Variants in MTMR3 observed in about 807,000 individuals in gnomAD.
The protein encoded by MTMR3 is myotubularin related protein 3.
MTMR3 carries 32 observed loss-of-function variants against 132.4 expected under a neutral mutation model. The ratio of observed to expected loss-of-function variants is 0.24; its 90% confidence interval spans 0.18 to 0.32. MTMR3 has a LOEUF of 0.32. Among genes scored for constraint, MTMR3 ranks in the 10% least tolerant of loss-of-function variants. The pLI is 1.00. For synonymous variants in MTMR3, 556 were observed against 550.3 expected (o/e 1.01, Z -0.14); for missense variants, 1,216 against 1,489.6 (o/e 0.82, Z 3.02).
intron 2 of MTMR3, among the ~76,000 whole-genome samples, chr22:29,957,966 C>T (rs2066233313): frequency 6.6e-6 from 1 of 151,770 alleles, no homozygotes; most frequent in South Asian, 2.1e-4. Flanking sequence ...TAAACTTAAT[C>T]ATAGGTACAT....
At chr22:29,953,346 G>A (rs1021000996) in intron 1 of MTMR3, among the ~76,000 whole-genome samples, 2 of 152,128 alleles carry the variant, frequency 1.3e-5, no homozygotes, top group African/African-American at 4.8e-5. Context: ...TTGTAGCTGG[G>A]GTTCTTTTAT....
rs774914650 is a variant in MTMR3 at position 30,020,342 on chromosome 22, G to A, written c.2683G>A (p.Val895Met). 201 of 1,614,092 alleles carry A rather than the reference G, an allele frequency of 1.2e-4. No homozygotes were observed. The highest frequency in any genetic ancestry group is 1.6e-4 in the Non-Finnish European group (193 of 1,180,040). The change falls in exon 17 of 20, where the codon GTG (valine) becomes ATG (methionine). Residue 895 changes from valine to methionine, a missense_variant. Physicochemically the swap from Val to Met is conservative, Grantham distance 21. Transcript: ENST00000401950. ...SETSLVERPQ[V>M]GSVVHRTSLG... ...GACAAGCCTGGTCGAGAGGCCCCAA[G>A]TGGGGTCTGTGGTGCATAGGACTTC...
chr22:30,021,290 A>G (rs1357427227), intron 17 of MTMR3: 1 of 197,168 alleles, frequency 5.1e-6, no homozygotes, highest in Non-Finnish European at 1.1e-5. Flanking sequence ...TAGTCCTTCC[A>G]GACGTGGGCT....
At chr22:30,008,734 T>C in intron 11 of MTMR3, 1 of 296,456 alleles carries the variant, frequency 3.4e-6, no homozygotes, top group Non-Finnish European at 6.2e-6. Flanking sequence ...CAGAGTGAGA[T>C]CGAAGTAGGC....
chr22:29,903,520 T>C (rs536222949), intron 1 of MTMR3, among the ~76,000 whole-genome samples: 1 of 151,530 alleles, frequency 6.6e-6, no homozygotes, highest in African/African-American at 2.4e-5. Context: ...TCCCGGGTGC[T>C]GGGACTGTAG....
At chr22:29,991,791 C>A in intron 7 of MTMR3, 121 bp downstream of exon 7, 1 of 1,074,024 alleles carries the variant, frequency 9.3e-7, no homozygotes, top group Non-Finnish European at 1.3e-6. Flanking sequence ...TTTTAAGGAG[C>A]ACCCAGCAAG....
At chr22:29,967,230 T>TGTGTGTGC (rs1555908327) in intron 2 of MTMR3, among the ~76,000 whole-genome samples, 1 of 94,268 alleles carries the variant, frequency 1.1e-5, no homozygotes, top group Non-Finnish European at 2.1e-5. Context: ...TGTGTGTGTG[T>TGTGTGTGC]GTGCATGCGC....
chr22:29,971,084 T>TAAA, intron 3 of MTMR3, 22 bp downstream of exon 3: 11 of 1,239,250 alleles, frequency 8.9e-6, no homozygotes, highest in African/African-American at 3.2e-5. Context: ...GAAATAAGAG[T>TAAA]AAAAAAAAAA....
chr22:29,903,681 C>A (rs893356786), intron 1 of MTMR3, among the ~76,000 whole-genome samples: 1 of 152,074 alleles, frequency 6.6e-6, no homozygotes, highest in East Asian at 1.9e-4. Flanking sequence ...GTGTGAGCCA[C>A]CTTGCCCAGC....
intron 14 of MTMR3, 39 bp from the exon 15 acceptor site, chr22:30,016,489 G>C: frequency 6.2e-7 from 1 of 1,603,848 alleles, no homozygotes; most frequent in South Asian, 1.1e-5. Flanking sequence ...GAGTGTGCAT[G>C]CCTGATTGCT....
At position 29,909,725 on chromosome 22, in the gene MTMR3, A is replaced by G. The variant is rs372576042; in HGVS notation, c.-138+26366A>G. 1.3e-3 allele frequency among the ~76,000 whole-genome samples: 197 copies of G among 152,348 alleles called. 1 individual carries two copies. In the South Asian group the frequency reaches 0.029, roughly 23 times the overall value. On this transcript the variant is annotated intron_variant, in intron 1 of 19. Coordinates refer to ENST00000401950, the MANE Select transcript of MTMR3 (RefSeq NM_021090.4). ...TCATAAATAGTATGTCTCTCAGCAT[A>G]TAACAGAACTTTGTATTAAGGAATA...
chr22:29,934,033 C>G (rs2065699260), intron 1 of MTMR3, among the ~76,000 whole-genome samples: 1 of 151,978 alleles, frequency 6.6e-6, no homozygotes, highest in Non-Finnish European at 1.5e-5. Flanking sequence ...TGTATAATAT[C>G]TATGGAAGTG....
At chr22:29,959,905 T>C (rs1356706449) in intron 2 of MTMR3, among the ~76,000 whole-genome samples, 2 of 151,882 alleles carry the variant, frequency 1.3e-5, no homozygotes, top group Non-Finnish European at 2.9e-5. Flanking sequence ...ACTATGGGCA[T>C]GTACCACCTT....
chr22:29,983,900 G>C (rs982642599), intron 5 of MTMR3: 1 of 152,156 alleles, frequency 6.6e-6, no homozygotes, highest in Non-Finnish European at 1.5e-5. Context: ...GCCTCCCAAA[G>C]TGCTGGGATT....
chr22:29,985,701 C>G (rs1309941997), intron 5 of MTMR3: 2 of 152,214 alleles, frequency 1.3e-5, no homozygotes, highest in African/African-American at 4.8e-5. Context: ...TTCTCCGTAT[C>G]TGTGACTTGT....
intron 3 of MTMR3, among the ~76,000 whole-genome samples, chr22:29,977,042 G>A (rs957801866): frequency 2.6e-5 from 4 of 152,098 alleles, no homozygotes; most frequent in Non-Finnish European, 5.9e-5. Context: ...TGTAATCCCA[G>A]AACTTTGGGA....
rs749127663 is a variant in MTMR3, at chr22:29,978,987, G to A, written c.145G>A (p.Glu49Lys). Residue 49 changes from glutamate to lysine, a missense_variant, in exon 5 of 20, where the codon GAG (glutamate) becomes AAG (lysine). By Grantham distance (56) the Glu-to-Lys change is moderately conservative (BLOSUM62 1). Around this residue, in one of 7 missense-constraint regions of MTMR3, gnomAD observed 81 missense variants for 87.7 expected, o/e 0.92. Transcript: ENST00000401950. ...GESTEFVGRA[E>K]DAIIALSNYR... ...GAGCACAGAGTTTGTGGGCCGTGCC[G>A]AGGATGCCATCATTGCCCTTTCCAA... 11 of 1,613,810 alleles carry A rather than the reference G, an allele frequency of 6.8e-6. No individual in the cohort carries two copies. Among genetic ancestry groups the A allele is most frequent in the Admixed American group, 5.0e-5 (3 of 59,968 alleles).
At chr22:29,982,063 G>A (rs2066756848) in intron 5 of MTMR3, 1 of 151,700 alleles carries the variant, frequency 6.6e-6, no homozygotes, top group African/African-American at 2.4e-5. Context: ...CAAAAAATTA[G>A]CCGGACGTGG....
intron 1 of MTMR3, among the ~76,000 whole-genome samples, chr22:29,947,611 A>G (rs2065978439): frequency 1.3e-5 from 2 of 152,106 alleles, no homozygotes; most frequent in Non-Finnish European, 1.5e-5. Context: ...TTTCTGAGTC[A>G]TTGATTTAAA....
Sources: gnomAD v4.1 joint callset for allele counts (sites outside exome capture counted in the v4.1 genomes callset) on GRCh38, gnomAD v4.1.1 for gene constraint, gnomAD v4.1.1 regional missense constraint, MANE v1.5 for transcripts, NCBI Gene and HGNC (gene_info 2026-07-23, HGNC 2026-07-21) for gene names.